Variants in ZFHX3 observed in about 807,000 individuals in gnomAD.
ZFHX3 encodes zinc finger homeobox protein 3.
In ZFHX3, 42 loss-of-function variants were observed where a neutral mutation model predicts 279.1. The observed-to-expected ratio is 0.15, with a 90% CI of 0.12 to 0.19. The LOEUF (loss-of-function observed/expected upper bound fraction) is 0.19. ZFHX3 is among the 10% of genes least tolerant of loss of function. The probability of loss-of-function intolerance (pLI) is 1.00; values close to 1 mark genes in which losing one functional copy is unlikely to be tolerated. For synonymous variants in ZFHX3, 2,293 were observed against 1,957.8 expected, an observed-to-expected ratio of 1.17 and a Z score of -4.52; for missense variants, 4,981 against 4,754.0, an observed-to-expected ratio of 1.05 and a Z score of -1.40.
intron 1 of ZFHX3, among the ~76,000 whole-genome samples, chr16:73,035,796 C>G (rs1433526844): frequency 6.6e-6 from 1 of 152,152 alleles, no homozygotes; most frequent in African/African-American, 2.4e-5. Flanking sequence ...CCCAGCTACT[C>G]GGGAGGCTGA....
At chr16:72,871,556 G>A (rs1368321686) in intron 4 of ZFHX3, among the ~76,000 whole-genome samples, 1 of 151,878 alleles carries the variant, frequency 6.6e-6, no homozygotes, top group Non-Finnish European at 1.5e-5. Flanking sequence ...TGGCCAGAAT[G>A]GTCTTGATCT....
At chr16:73,357,430 A>G (rs1164806083) in intron 3 of ZFHX3, among the ~76,000 whole-genome samples, 3 of 150,570 alleles carry the variant, frequency 2.0e-5, no homozygotes, top group Non-Finnish European at 4.5e-5. Flanking sequence ...ACCTAGGGCA[A>G]CTGAGATGGC....
rs572312751 is a variant in ZFHX3 at position 73,675,059 on chromosome 16, G to A, written c.-1547+5121C>T. ...GCTGTCAGTGATACTCTGCCCAAGA[G>A]GAAGCTTTGGGTCTGAGCTCAGTTC... On this transcript the variant is annotated intron_variant, in intron 2 of 17. Coordinates refer to the ZFHX3 transcript ENST00000641206. 8.5e-5 allele frequency among the ~76,000 whole-genome samples: 13 copies of A among 152,304 alleles called. No homozygotes were observed. The South Asian group carries it at 2.7e-3, about 32-fold the overall frequency.
chr16:73,100,446 T>C (rs1338563945), intron 7 of ZFHX3, among the ~76,000 whole-genome samples: 1 of 152,188 alleles, frequency 6.6e-6, no homozygotes, highest in Non-Finnish European at 1.5e-5. Context: ...TTGCAACTCT[T>C]TGGCAGAATT....
chr16:73,772,085 T>G (rs2054024463), intron 1 of ZFHX3, among the ~76,000 whole-genome samples: 1 of 152,172 alleles, frequency 6.6e-6, no homozygotes, highest in Admixed American at 6.5e-5. Flanking sequence ...CCAGATGTGG[T>G]TAGAATCTTC....
intron 2 of ZFHX3, among the ~76,000 whole-genome samples, chr16:73,608,281 C>G (rs2052211103): frequency 6.6e-6 from 1 of 152,176 alleles, no homozygotes; most frequent in South Asian, 2.1e-4. Context: ...GTCCCATATT[C>G]TGACCATAAA....
intron 2 of ZFHX3, among the ~76,000 whole-genome samples, chr16:73,592,861 A>G (rs1361053904): frequency 6.6e-6 from 1 of 152,152 alleles, no homozygotes; most frequent in Non-Finnish European, 1.5e-5. Flanking sequence ...AAAGATTAAT[A>G]AAAACAAAGA....
At position 73,789,555 on chromosome 16, in the gene ZFHX3, T is replaced by A. The variant is rs143156134; in HGVS notation, c.-1608+102096A>T. Among the ~76,000 whole-genome samples the A allele has an allele frequency of 1.2e-3, 176 of 152,290 alleles. No homozygotes were observed. In the Middle Eastern group the frequency reaches 0.027, roughly 24 times the overall value. On this transcript the variant is annotated intron_variant, in intron 1 of 17. Coordinates refer to the ZFHX3 transcript ENST00000641206. Reference sequence around the variant, plus strand: ...TGTAGGTTCAAAACACACTGATGTCTGGAATAAAAGTGCTAGAAGGAATTG... The same window carrying A: ...TGTAGGTTCAAAACACACTGATGTCAGGAATAAAAGTGCTAGAAGGAATTG...
At chr16:73,754,172 C>G (rs1465179081) in intron 1 of ZFHX3, among the ~76,000 whole-genome samples, 1 of 152,256 alleles carries the variant, frequency 6.6e-6, no homozygotes, top group Non-Finnish European at 1.5e-5. Context: ...ATATATTGGT[C>G]AGTTACAGAA....
intron 7 of ZFHX3, among the ~76,000 whole-genome samples, chr16:73,125,817 C>T (rs1567394719): frequency 6.6e-6 from 1 of 151,376 alleles, no homozygotes; most frequent in Non-Finnish European, 1.5e-5. Flanking sequence ...TATATATATG[C>T]ATATATATAC....
At chr16:73,525,620 G>T (rs1359679375) in intron 2 of ZFHX3, among the ~76,000 whole-genome samples, 6 of 152,104 alleles carry the variant, frequency 3.9e-5, no homozygotes. Flanking sequence ...TGTACCCCAA[G>T]ATACCACTAA....
chr16:73,091,171 A>G (rs2144777177), intron 8 of ZFHX3, among the ~76,000 whole-genome samples: 1 of 151,018 alleles, frequency 6.6e-6, no homozygotes, highest in East Asian at 2.0e-4. Flanking sequence ...AGATCACGCC[A>G]CTGTACTCCA....
intron 1 of ZFHX3, among the ~76,000 whole-genome samples, chr16:73,788,506 G>T (rs1384408748): frequency 6.6e-6 from 1 of 152,114 alleles, no homozygotes; most frequent in Non-Finnish European, 1.5e-5. Context: ...TTGTTATCAT[G>T]CCTCACATCA....
intron 4 of ZFHX3, among the ~76,000 whole-genome samples, chr16:73,288,319 C>G (rs1316435671): frequency 6.6e-6 from 1 of 152,134 alleles, no homozygotes; most frequent in Non-Finnish European, 1.5e-5. Context: ...CAGACAGAAG[C>G]TGGACATCCC....
chr16:72,796,171 T>C lies in ZFHX3; in HGVS notation c.6511A>G (p.Ser2171Gly), dbSNP rs1300902134. 6.2e-7 allele frequency: 1 copy of C among 1,614,014 alleles called. No individual in the cohort carries two copies. Among genetic ancestry groups the C allele is most frequent in the Non-Finnish European group, 8.5e-7 (1 of 1,180,030 alleles). Reference protein sequence around the residue: ...RQYFDINNSPSEEQIKEMADK... With the variant: ...RQYFDINNSPGEEQIKEMADK... ...GCCATCTCTTTTATTTGCTCTTCAC[T>C]GGGGGAGTTGTTAATGTCAAAATAT... The change falls in exon 9 of 10, where the codon AGT becomes GGT. Residue 2171 changes from serine (S) to glycine (G), a missense_variant. Physicochemically the swap from Ser to Gly is moderately conservative, Grantham distance 56. This residue lies in a region of ZFHX3 where 177 missense variants were observed against 244.2 expected (regional missense o/e 0.72). Coordinates refer to ENST00000268489, the MANE Select transcript of ZFHX3 (RefSeq NM_006885.4).
chr16:73,291,585 A>C (rs548302749), intron 4 of ZFHX3, among the ~76,000 whole-genome samples: 2 of 152,344 alleles, frequency 1.3e-5, no homozygotes, highest in African/African-American at 4.8e-5. Context: ...GAAAGCCTGA[A>C]GTGTGAACAG....
intron 2 of ZFHX3, among the ~76,000 whole-genome samples, chr16:73,655,173 T>C (rs552729310): frequency 2.9e-4 from 44 of 152,328 alleles, no homozygotes; most frequent in Non-Finnish European, 4.1e-4. Flanking sequence ...AATCATCACA[T>C]TTAAAGATGA....
intron 1 of ZFHX3, among the ~76,000 whole-genome samples, chr16:73,874,717 A>G (rs1458587443): frequency 6.6e-6 from 1 of 152,258 alleles, no homozygotes; most frequent in African/African-American, 2.4e-5. Flanking sequence ...TTTAAAAAAT[A>G]TCTCAAGTAC....
intron 1 of ZFHX3, among the ~76,000 whole-genome samples, chr16:73,850,114 T>C (rs1961557283): frequency 6.6e-6 from 1 of 152,214 alleles, no homozygotes; most frequent in Non-Finnish European, 1.5e-5. Flanking sequence ...TGTTGGCTCC[T>C]AGAAACCATG....
Sources: gnomAD v4.1 joint callset for allele counts (sites outside exome capture counted in the v4.1 genomes callset) on GRCh38, gnomAD v4.1.1 for gene constraint, gnomAD v4.1.1 regional missense constraint, MANE v1.5 for transcripts, NCBI Gene and HGNC (gene_info 2026-07-23, HGNC 2026-07-21) for gene names.